INTS13: variants seen among roughly 807,000 people sequenced by gnomAD.
INTS13 encodes the protein asunder, spermatogenesis regulator homolog (Drosphila).
INTS13 carries 35 observed loss-of-function variants against 90.2 expected under a neutral mutation model. The observed-to-expected ratio is 0.39, with a 90% confidence interval of 0.30 to 0.51. The LOEUF is 0.51. Among genes scored for constraint, INTS13 ranks in the 20% least tolerant of loss-of-function variants. INTS13 has a pLI of 0.80. For missense variants in INTS13, 601 were observed against 851.2 expected, an observed-to-expected ratio of 0.71 and a Z score of 3.66; for synonymous variants, 309 against 277.1, an observed-to-expected ratio of 1.11 and a Z score of -1.14.
chr12:26,928,238 T>C lies in INTS13; in HGVS notation c.551A>G (p.His184Arg), dbSNP rs1387930088. The change falls in exon 5 of 17, where the codon CAT (histidine) becomes CGT (arginine). Residue 184 changes from histidine to arginine, a missense_variant. Coordinates refer to ENST00000261191, the MANE Select transcript of INTS13 (RefSeq NM_018164.3). Reference protein sequence around the residue: ...MLEDCVQETIHEHNKLAANSD... With the variant: ...MLEDCVQETIREHNKLAANSD... ...ATTTGCAGCAAGCTTGTTATGTTCATGAATCGTTTCCTGGACACAGTCTTC... is the reference window on the plus strand; with the variant it reads ...ATTTGCAGCAAGCTTGTTATGTTCACGAATCGTTTCCTGGACACAGTCTTC... 2 of 1,611,332 alleles carry C rather than the reference T, an allele frequency of 1.2e-6. No homozygotes were observed. The highest frequency in any genetic ancestry group is 1.7e-6 in the Non-Finnish European group (2 of 1,177,872).
intron 8 of INTS13, among the ~76,000 whole-genome samples, chr12:26,919,428 C>T (rs896683682): frequency 6.6e-5 from 10 of 151,788 alleles, no homozygotes; most frequent in South Asian, 2.1e-4. Flanking sequence ...AGGCACGGGG[C>T]GGGTTTAAGG....
At chr12:26,915,966 T>A in intron 11 of INTS13, 36 bp downstream of exon 11, 15 of 1,490,138 alleles carry the variant, frequency 1.0e-5, no homozygotes, top group Non-Finnish European at 1.2e-5. Flanking sequence ...TGATGACAGA[T>A]TCAAAACTTA....
At chr12:26,928,652 CA>C in intron 4 of INTS13, 50 bp downstream of exon 4, 1 of 1,579,592 alleles carries the variant, frequency 6.3e-7, no homozygotes, top group Non-Finnish European at 8.7e-7. Flanking sequence ...AAAACTACAA[CA>C]GGATTTTAAA....
chr12:26,933,284 A>G (rs992371500), intron 3 of INTS13, among the ~76,000 whole-genome samples: 3 of 152,208 alleles, frequency 2.0e-5, no homozygotes, highest in African/African-American at 7.2e-5. Context: ...CAGAACACAG[A>G]GACAAGAACA....
intron 3 of INTS13, among the ~76,000 whole-genome samples, chr12:26,930,006 T>C (rs1938104857): frequency 6.6e-6 from 1 of 152,124 alleles, no homozygotes; most frequent in Admixed American, 6.5e-5. Flanking sequence ...TACACAAAAA[T>C]CAATTGTATT....
rs772898480 is a variant in INTS13 at position 26,928,866 on chromosome 12, G to T, written c.340C>A (p.Arg114=). The T allele has an allele frequency of 2.3e-5, 37 of 1,614,052 alleles. No individual in the cohort carries two copies. Among genetic ancestry groups the T allele is most frequent in the Middle Eastern group, 1.6e-4 (1 of 6,078 alleles). Residue 114 remains arginine, a synonymous_variant, in exon 4 of 17, where the codon CGG becomes AGG. Transcript: ENST00000261191. ...ATACTGCAGCACTCTGGATCTGCCC[G>T]AGGATTAGGAGGCCCAACAGCGGCT... ...ALAAVGPPNP[R]ADPECCSILH...
intron 15 of INTS13, among the ~76,000 whole-genome samples, chr12:26,910,263 T>A (rs1369797488): frequency 2.0e-5 from 3 of 152,220 alleles, no homozygotes; most frequent in African/African-American, 7.2e-5. Context: ...ATCTCAGCTC[T>A]TACTATAGTA....
At position 26,905,451 on chromosome 12, in the gene INTS13, C is replaced by G; in HGVS notation, c.*46G>C. 1 of 1,581,256 alleles carries G rather than the reference C, an allele frequency of 6.3e-7. No individual in the cohort carries two copies. Among genetic ancestry groups the G allele is most frequent in the Non-Finnish European group, 8.6e-7 (1 of 1,156,076 alleles). On this transcript the variant is annotated 3_prime_UTR_variant, in exon 17 of 17. Transcript: ENST00000261191. The stretch of plus-strand genomic sequence containing the variant: ...AAAAGTACTTATATCGAATTCCGCA[C>G]AAAATATTTTTGCAATATGCTAAAT...
Position 26,925,763 on chromosome 12 carries a change from C to T in INTS13, c.673G>A (p.Glu225Lys). ...DSLVSDRSKK[E>K]LSPVLTSEVH... ...TCTTTCATTATTTCAACACTCACCTCTTTTTTAGAACGATCAGATACAAGG... is the reference window on the plus strand; with the variant it reads ...TCTTTCATTATTTCAACACTCACCTTTTTTTTAGAACGATCAGATACAAGG... Residue 225 changes from glutamate to lysine, a missense_variant and splice_region_variant, in exon 6 of 17, where the codon GAG becomes AAG. Physicochemically the swap from Glu to Lys is moderately conservative, Grantham distance 56. Around this residue, in one of 3 missense-constraint regions of INTS13, gnomAD observed 284 missense variants for 387.7 expected, o/e 0.73. Coordinates refer to ENST00000261191, the MANE Select transcript of INTS13 (RefSeq NM_018164.3). The T allele has an allele frequency of 1.2e-6, 2 of 1,606,328 alleles. No individual in the cohort carries two copies. The highest frequency in any genetic ancestry group is 8.5e-7 in the Non-Finnish European group (1 of 1,174,634).
intron 3 of INTS13, among the ~76,000 whole-genome samples, chr12:26,933,771 A>G (rs1250836422): frequency 6.6e-6 from 1 of 152,206 alleles, no homozygotes; most frequent in Non-Finnish European, 1.5e-5. Context: ...TGAATTATCT[A>G]ACACATTTAT....
At chr12:26,934,947 T>C (rs1326964726) in intron 2 of INTS13, among the ~76,000 whole-genome samples, 1 of 152,148 alleles carries the variant, frequency 6.6e-6, no homozygotes, top group African/African-American at 2.4e-5. Flanking sequence ...ATAAACGCTA[T>C]GAAAAATAAG....
In INTS13 at chr12:26,914,506, G is replaced by C; in HGVS notation, c.1321C>G (p.Leu441Val). 6.2e-7 allele frequency: 1 copy of C among 1,613,866 alleles called. No individual in the cohort carries two copies. The highest frequency in any genetic ancestry group is 1.1e-5 in the South Asian group (1 of 91,066). Reference sequence around the variant, plus strand: ...TTTGCTCGTTCCAAAGGGACCTCAAGACTTCCATCGATTTTATATCTGGGG... The same window carrying C: ...TTTGCTCGTTCCAAAGGGACCTCAACACTTCCATCGATTTTATATCTGGGG... ...LDPRYKIDGS[L>V]EVPLERAKDQ... Residue 441 changes from leucine to valine, a missense_variant, in exon 12 of 17, where the codon CTT (leucine) becomes GTT (valine). Physicochemically the swap from Leu to Val is conservative, Grantham distance 32. Around this residue, in one of 3 missense-constraint regions of INTS13, gnomAD observed 89 missense variants for 191.0 expected, o/e 0.47. Transcript: ENST00000261191.
At position 26,925,833 on chromosome 12, in the gene INTS13, T is replaced by A; in HGVS notation, c.603A>T (p.Lys201Asn). The A allele has an allele frequency of 6.2e-7, 1 of 1,612,550 alleles. No homozygotes were observed. Among genetic ancestry groups the A allele is most frequent in the Non-Finnish European group, 8.5e-7 (1 of 1,179,046 alleles). ...ANSDHLMQIQ[K>N]CELVLIHTYP... Reference sequence around the variant, plus strand: ...AGGTGTGGATCAAGACCAACTCACATTTTTGAATCTGCATGAGACTTAAAG... The same window carrying A: ...AGGTGTGGATCAAGACCAACTCACAATTTTGAATCTGCATGAGACTTAAAG... Residue 201 changes from lysine (K) to asparagine (N), a missense_variant, in exon 6 of 17, where the codon AAA becomes AAT. Transcript: ENST00000261191.
Position 26,936,808 on chromosome 12 carries a change from T to A in INTS13, c.-5A>T. 2 of 1,605,536 alleles carry A rather than the reference T, an allele frequency of 1.2e-6. No homozygotes were observed. Among genetic ancestry groups the A allele is most frequent in the Non-Finnish European group, 1.7e-6 (2 of 1,172,682 alleles). ...AGATTCAGAAAAAATCTTCATTTTGTTTTAACCTGTAAGGGGAAAAACATA... is the reference window on the plus strand; with the variant it reads ...AGATTCAGAAAAAATCTTCATTTTGATTTAACCTGTAAGGGGAAAAACATA... On this transcript the variant is annotated 5_prime_UTR_variant, in exon 2 of 17. Transcript: ENST00000261191.
chr12:26,905,354 C>T lies in INTS13; in HGVS notation c.*143G>A, dbSNP rs1951572904. 1.4e-6 allele frequency: 1 copy of T among 698,066 alleles called. No individual in the cohort carries two copies. The allele number at this position is 698,066 out of a possible 1,614,324, so 43.2% of individuals were successfully genotyped here. On this transcript the variant is annotated 3_prime_UTR_variant, in exon 17 of 17. Transcript: ENST00000261191. Reference sequence around the variant, plus strand: ...TTATGTGCCAATTTTATAATTAGTACAAAAATGACAGCTGAAATATTTTAA... The same window carrying T: ...TTATGTGCCAATTTTATAATTAGTATAAAAATGACAGCTGAAATATTTTAA...
chr12:26,924,221 G>C (rs1937739731), intron 7 of INTS13, 134 bp downstream of exon 7: 1 of 822,194 alleles, frequency 1.2e-6, no homozygotes, highest in African/African-American at 1.8e-5. Context: ...TCAAACTCCT[G>C]GCCTCAAGTG....
At chr12:26,910,550 TC>T (rs1158782496) in intron 15 of INTS13, among the ~76,000 whole-genome samples, 1 of 152,196 alleles carries the variant, frequency 6.6e-6, no homozygotes, top group African/African-American at 2.4e-5. Context: ...GCTCTGCCCT[TC>T]CCCTGGCTGC....
chr12:26,928,006 A>G (rs934977368), intron 5 of INTS13, among the ~76,000 whole-genome samples, 199 bp downstream of exon 5: 1 of 152,172 alleles, frequency 6.6e-6, no homozygotes, highest in South Asian at 2.1e-4. Flanking sequence ...CCTTTTGATC[A>G]CCTTTCTTGT....
At chr12:26,912,992 A>G (rs1273049870) in intron 14 of INTS13, among the ~76,000 whole-genome samples, 1 of 152,012 alleles carries the variant, frequency 6.6e-6, no homozygotes, top group Non-Finnish European at 1.5e-5. Flanking sequence ...CGGCCTCCCA[A>G]AGTGCTGGGA....
Sources: allele counts gnomAD v4.1 joint callset (sites outside exome capture counted in the v4.1 genomes callset), GRCh38; gene constraint gnomAD v4.1.1; regional missense constraint gnomAD v4.1.1; transcripts MANE v1.5; gene names NCBI Gene and HGNC (gene_info 2026-07-23, HGNC 2026-07-21).